The following MTHFD1L variants were observed in gnomAD, a reference collection of about 807,000 sequenced individuals.
MTHFD1L encodes the protein monofunctional C1-tetrahydrofolate synthase, mitochondrial.
MTHFD1L carries 81 observed loss-of-function variants against 119.5 expected under a neutral mutation model. The ratio of observed to expected loss-of-function variants is 0.68; its 90% CI spans 0.57 to 0.82. The LOEUF is 0.82. MTHFD1L is among the 40% of genes least tolerant of loss of function. The pLI, the probability that MTHFD1L is intolerant of heterozygous loss-of-function variation, is 0.00. For synonymous variants in MTHFD1L, 430 were observed against 475.2 expected, an observed-to-expected ratio of 0.90 and a Z score of 1.24; for missense variants, 1,125 against 1,253.4, an observed-to-expected ratio of 0.90 and a Z score of 1.55.
chr6:150,999,121 C>T (rs1780252206), intron 20 of MTHFD1L, among the ~76,000 whole-genome samples: 1 of 151,904 alleles, frequency 6.6e-6, no homozygotes, highest in African/African-American at 2.4e-5. Context: ...GCAAATATTA[C>T]AAAATCTGAA....
chr6:151,037,865 T>C (rs1282176848), intron 26 of MTHFD1L, among the ~76,000 whole-genome samples: 1 of 152,140 alleles, frequency 6.6e-6, no homozygotes, highest in Non-Finnish European at 1.5e-5. Flanking sequence ...AAAAAAGAAT[T>C]CTTACAACCT....
At chr6:150,915,369 A>G (rs867114563) in intron 8 of MTHFD1L, among the ~76,000 whole-genome samples, 9 of 152,172 alleles carry the variant, frequency 5.9e-5, no homozygotes, top group African/African-American at 2.2e-4. Flanking sequence ...AAGATTACAC[A>G]TTGCTGAAAA....
intron 26 of MTHFD1L, among the ~76,000 whole-genome samples, chr6:151,089,156 C>G (rs953009775): frequency 6.6e-6 from 1 of 152,170 alleles, no homozygotes; most frequent in Non-Finnish European, 1.5e-5. Context: ...GACATCCTTA[C>G]CAGTAAGATA....
At chr6:150,970,057 G>T (rs501215) in intron 19 of MTHFD1L, among the ~76,000 whole-genome samples, 78,263 of 151,896 alleles carry the variant, frequency 0.52, 21,302 homozygotes, top group African/African-American at 0.66. Flanking sequence ...TTGACTAGTT[G>T]GTAGATTATG....
At chr6:151,065,367 A>C (rs935567285) in intron 26 of MTHFD1L, among the ~76,000 whole-genome samples, 1 of 152,138 alleles carries the variant, frequency 6.6e-6, no homozygotes, top group African/African-American at 2.4e-5. Flanking sequence ...TCTTCTCCAG[A>C]CAATGGGGCC....
At chr6:150,954,599 G>A (rs1469740326) in intron 16 of MTHFD1L, among the ~76,000 whole-genome samples, 4 of 151,994 alleles carry the variant, frequency 2.6e-5, no homozygotes, top group Admixed American at 2.6e-4. Flanking sequence ...TGAGACAGGA[G>A]AATCGCTTGA....
intron 12 of MTHFD1L, 121 bp downstream of exon 12, chr6:150,937,061 C>A: frequency 1.6e-6 from 2 of 1,248,126 alleles, no homozygotes; most frequent in African/African-American, 3.0e-5. Context: ...CATTTCTTCA[C>A]TGCACACTCA....
intron 26 of MTHFD1L, among the ~76,000 whole-genome samples, chr6:151,050,200 CTGCCCAGGCT>C (rs1425988430): frequency 6.6e-6 from 1 of 152,140 alleles, no homozygotes; most frequent in Non-Finnish European, 1.5e-5. Flanking sequence ...TCTCGCTCTG[CTGCCCAGGCT>C]GGAATACAAT....
At chr6:151,058,340 TGCTCGG>T (rs1790229897) in intron 26 of MTHFD1L, among the ~76,000 whole-genome samples, 1 of 152,194 alleles carries the variant, frequency 6.6e-6, no homozygotes, top group Admixed American at 6.5e-5. Flanking sequence ...GGAGCACTGA[TGCTCGG>T]GCTCTGTCAC....
intron 26 of MTHFD1L, among the ~76,000 whole-genome samples, chr6:151,075,433 C>T (rs995178837): frequency 6.6e-5 from 10 of 151,782 alleles, no homozygotes; most frequent in East Asian, 3.9e-4. Context: ...GGCCGTTTCA[C>T]GAACAGGACA....
At chr6:150,937,585 C>T (rs764628315) in intron 12 of MTHFD1L, among the ~76,000 whole-genome samples, 2 of 152,146 alleles carry the variant, frequency 1.3e-5, no homozygotes, top group Admixed American at 6.6e-5. Context: ...ATATTAATAA[C>T]GTATCTCATA....
In MTHFD1L at chr6:150,938,691, T is replaced by C; in HGVS notation, c.1394-8T>C. The C allele has an allele frequency of 1.2e-6, 2 of 1,609,306 alleles. No homozygotes were observed. The highest frequency in any genetic ancestry group is 1.7e-6 in the Non-Finnish European group (2 of 1,178,222). On this transcript the variant is annotated splice_region_variant and splice_polypyrimidine_tract_variant and intron_variant, in intron 12 of 27. Coordinates refer to ENST00000367321, the MANE Select transcript of MTHFD1L (RefSeq NM_015440.5). ...CCCGTTTGAAATGCCTCTTGCTCTG[T>C]TGTTTAGGAGGAGCCGCGGGTGGTG...
chr6:150,922,154 C>T (rs745494841), intron 9 of MTHFD1L, 51 bp from the exon 10 acceptor site: 28 of 1,323,926 alleles, frequency 2.1e-5, no homozygotes, highest in Non-Finnish European at 3.0e-5. Context: ...AAGTGTGTGC[C>T]CTGTCAGCTT....
rs1011128529 is a variant in MTHFD1L at position 150,877,945 on chromosome 6, A to G, written c.417+119A>G. On this transcript the variant is annotated intron_variant, in intron 4 of 27. Coordinates refer to ENST00000367321, the MANE Select transcript of MTHFD1L (RefSeq NM_015440.5). ...TAAGATTTGCTTGTGACTGAATGTTAGAGGGAAGACTTCACTTCTTTTCTC... is the reference window on the plus strand; with the variant it reads ...TAAGATTTGCTTGTGACTGAATGTTGGAGGGAAGACTTCACTTCTTTTCTC... 3 of 1,161,404 alleles carry G rather than the reference A, an allele frequency of 2.6e-6. No homozygotes were observed. In the African/African-American group the frequency reaches 4.6e-5, roughly 18 times the overall value. 71.9% of individuals were successfully genotyped at this position (1,161,404 alleles called of 1,614,324 possible). A position where few individuals can be genotyped will look rare whatever the true frequency, so the allele number is the denominator to read the frequency against.
At chr6:150,869,260 C>T (rs1355960476) in intron 1 of MTHFD1L, among the ~76,000 whole-genome samples, 3 of 152,130 alleles carry the variant, frequency 2.0e-5, no homozygotes, top group Non-Finnish European at 4.4e-5. Flanking sequence ...CTGCACCCAT[C>T]AACCCGTCAT....
intron 26 of MTHFD1L, among the ~76,000 whole-genome samples, chr6:151,080,765 CTCT>C (rs1241590757): frequency 1.3e-5 from 2 of 152,190 alleles, no homozygotes; most frequent in African/African-American, 4.8e-5. Flanking sequence ...GCTGAGGCCT[CTCT>C]TCTTGGCTTG....
At chr6:151,044,393 C>T (rs904940512) in intron 26 of MTHFD1L, among the ~76,000 whole-genome samples, 25 of 151,666 alleles carry the variant, frequency 1.6e-4, no homozygotes, top group Non-Finnish European at 3.2e-4. Flanking sequence ...CCTCCATCTC[C>T]GGGTTTCAAG....
chr6:150,972,489 G>A lies in MTHFD1L; in HGVS notation c.2125+431G>A, dbSNP rs367943841. 1.1e-4 allele frequency among the ~76,000 whole-genome samples: 17 copies of A among 152,340 alleles called. No homozygotes were observed. The South Asian group carries it at 3.5e-3, about 32-fold the overall frequency. Reference sequence around the variant, plus strand: ...AGAAGGCATGTTAGCTAGGGATCCAGTGGTAAGCAAAACAGATAGGCGCAG... The same window carrying A: ...AGAAGGCATGTTAGCTAGGGATCCAATGGTAAGCAAAACAGATAGGCGCAG... On this transcript the variant is annotated intron_variant, in intron 20 of 27. Coordinates refer to ENST00000367321, the MANE Select transcript of MTHFD1L (RefSeq NM_015440.5).
At chr6:150,874,464 C>T (rs1780062412) in intron 1 of MTHFD1L, among the ~76,000 whole-genome samples, 1 of 152,228 alleles carries the variant, frequency 6.6e-6, no homozygotes, top group Non-Finnish European at 1.5e-5. Context: ...CTGGGGAAAG[C>T]TTCCCGATGC....
Sources: allele counts gnomAD v4.1 joint callset (sites outside exome capture counted in the v4.1 genomes callset), GRCh38; gene constraint gnomAD v4.1.1; transcripts MANE v1.5; gene names NCBI Gene and HGNC (gene_info 2026-07-23, HGNC 2026-07-21).